The following FAM107B variants were observed in gnomAD, a reference collection of about 807,000 sequenced individuals.
FAM107B encodes protein FAM107B.
In FAM107B, 21 loss-of-function variants were observed where a neutral mutation model predicts 31.5. That is an observed-to-expected ratio of 0.67 (90% CI 0.47 to 0.96). FAM107B has a LOEUF of 0.96. Ranked by LOEUF, FAM107B falls within the 40% of genes least tolerant of loss-of-function variation. The probability of loss-of-function intolerance (pLI) is 0.00; values close to 1 mark genes in which losing one functional copy is unlikely to be tolerated. For synonymous variants in FAM107B, 157 were observed against 141.5 expected (o/e 1.11, Z -0.78); for missense variants, 452 against 377.1 (o/e 1.20, Z -1.64).
chr10:14,528,509 A>G (rs572635926), intron 3 of FAM107B, among the ~76,000 whole-genome samples: 1 of 152,288 alleles, frequency 6.6e-6, no homozygotes, highest in Admixed American at 6.5e-5. Context: ...GAAAAATACT[A>G]TTATCTCCCA....
chr10:14,767,542 C>T (rs1328522714), intron 1 of FAM107B, among the ~76,000 whole-genome samples: 1 of 151,918 alleles, frequency 6.6e-6, no homozygotes, highest in Non-Finnish European at 1.5e-5. Context: ...TAACATACCA[C>T]ATTGACAGAA....
At chr10:14,731,316 G>A (rs976018359) in intron 1 of FAM107B, among the ~76,000 whole-genome samples, 1 of 152,150 alleles carries the variant, frequency 6.6e-6, no homozygotes, top group South Asian at 2.1e-4. Context: ...AATCCCAGCA[G>A]TATGGGGGGC....
intron 1 of FAM107B, among the ~76,000 whole-genome samples, chr10:14,685,137 CTTTTATTTTTTTTT>C (rs1473567893): frequency 2.0e-5 from 3 of 146,408 alleles, no homozygotes; most frequent in Non-Finnish European, 4.5e-5. Context: ...CAATAACATC[CTTTTATTTTTTTTT>C]TTTTTTTTTT....
At position 14,620,224 on chromosome 10, in the gene FAM107B, G is replaced by A. The variant is rs141286434; in HGVS notation, c.469+47410C>T. Among the ~76,000 whole-genome samples, 1,453 of 151,992 alleles carry A rather than the reference G, an allele frequency of 9.6e-3. 15 individuals are homozygous for A. The highest frequency in any genetic ancestry group is 0.016 in the Non-Finnish European group (1,108 of 67,946). The stretch of plus-strand genomic sequence containing the variant: ...AGTAGAGACGGGGTTTCACCATGTT[G>A]GCCAGGATGGTCTCGATGTCTCGAC... On this transcript the variant is annotated intron_variant, in intron 2 of 4. Coordinates refer to ENST00000181796, the MANE Select transcript of FAM107B (RefSeq NM_031453.4).
rs12774550 is a variant in FAM107B at position 14,520,981 on chromosome 10, G to A, written c.*209C>T. On this transcript the variant is annotated 3_prime_UTR_variant, in exon 5 of 5. Transcript: ENST00000181796. ...AGGTCCATCATTCCAACTTACGTGC[G>A]GGGCACTGCCCTTCATTTGGCGAAT... The A allele has an allele frequency of 0.19, 93,455 of 485,178 alleles. 10,086 individuals are homozygous for A. Among genetic ancestry groups the A allele is most frequent in the Middle Eastern group, 0.26 (482 of 1,890 alleles). 30.1% of individuals were successfully genotyped at this position (485,178 alleles called of 1,614,324 possible).
intron 1 of FAM107B, among the ~76,000 whole-genome samples, chr10:14,677,314 C>T (rs1440732220): frequency 2.0e-5 from 3 of 152,168 alleles, no homozygotes; most frequent in African/African-American, 7.2e-5. Context: ...CCCAATGCCT[C>T]TCTCTTTTTA....
chr10:14,532,771 T>G (rs901284459), intron 2 of FAM107B: 3 of 152,328 alleles, frequency 2.0e-5, no homozygotes, highest in African/African-American at 7.2e-5. Context: ...GCTACACACT[T>G]CCATAAAAGG....
chr10:14,567,461 G>C (rs899136689), intron 2 of FAM107B, among the ~76,000 whole-genome samples: 1 of 152,202 alleles, frequency 6.6e-6, no homozygotes, highest in Non-Finnish European at 1.5e-5. Flanking sequence ...AGTCATTATG[G>C]AGAGGAAGAG....
chr10:14,603,448 G>C (rs1421765301), intron 2 of FAM107B, among the ~76,000 whole-genome samples: 1 of 152,192 alleles, frequency 6.6e-6, no homozygotes, highest in Admixed American at 6.5e-5. Flanking sequence ...CTTTGGGAGG[G>C]AGGAAGGAAG....
intron 2 of FAM107B, among the ~76,000 whole-genome samples, chr10:14,643,831 T>A (rs564438171): frequency 6.6e-6 from 1 of 152,324 alleles, no homozygotes; most frequent in East Asian, 1.9e-4. Context: ...ACTCAAGTTA[T>A]CACATAAAAC....
chr10:14,573,576 CA>C (rs774786735), intron 2 of FAM107B, among the ~76,000 whole-genome samples: 12,335 of 121,982 alleles, frequency 0.1, 647 homozygotes, highest in Admixed American at 0.16. Context: ...ATTAAAAATA[CA>C]AAAAAAAAAA....
chr10:14,712,794 A>C (rs1855684160), intron 1 of FAM107B, among the ~76,000 whole-genome samples: 1 of 152,138 alleles, frequency 6.6e-6, no homozygotes, highest in African/African-American at 2.4e-5. Context: ...TTGTTTCTTA[A>C]ATTTCCTTTT....
At chr10:14,657,188 A>C (rs17155689) in intron 2 of FAM107B, among the ~76,000 whole-genome samples, 5,821 of 152,294 alleles carry the variant, frequency 0.038, 182 homozygotes, top group East Asian at 0.13. Context: ...AAACAGAAAA[A>C]TCTGGAAGCA....
chr10:14,595,422 C>T (rs1393768056), intron 2 of FAM107B, among the ~76,000 whole-genome samples: 2 of 98,146 alleles, frequency 2.0e-5, no homozygotes, highest in Admixed American at 2.8e-4. Context: ...CTAGGGCAAC[C>T]TTTTTTTTTT....
intron 2 of FAM107B, among the ~76,000 whole-genome samples, chr10:14,570,233 G>GGGATGTGT (rs1554835078): frequency 7.1e-6 from 1 of 140,340 alleles, no homozygotes; most frequent in Non-Finnish European, 1.6e-5. Context: ...AAATGTGGTG[G>GGGATGTGT]GTGTGTGTGT....
chr10:14,711,022 C>G (rs1042042674), intron 1 of FAM107B, among the ~76,000 whole-genome samples: 2 of 152,118 alleles, frequency 1.3e-5, no homozygotes, highest in Non-Finnish European at 2.9e-5. Context: ...AAGTGATTCT[C>G]CTGCCTCAGC....
At chr10:14,634,643 G>T (rs78877175) in intron 2 of FAM107B, among the ~76,000 whole-genome samples, 5,903 of 152,212 alleles carry the variant, frequency 0.039, 175 homozygotes, top group East Asian at 0.13. Flanking sequence ...GTGACCAAAA[G>T]CAGGCAGAAA....
chr10:14,757,145 C>A (rs1832947021), intron 1 of FAM107B, among the ~76,000 whole-genome samples: 3 of 152,034 alleles, frequency 2.0e-5, no homozygotes, highest in Admixed American at 2.0e-4. Context: ...CACTTGTAAC[C>A]CTAAACTTAA....
In FAM107B at chr10:14,774,259, C is replaced by T. The variant is rs1000645567; in HGVS notation, c.405G>A (p.Thr135=). Residue 135 remains threonine, a synonymous_variant, in exon 1 of 5, where the codon ACG becomes ACA. Transcript: ENST00000181796. ...ASIPRPSIID[T]PKEEEFREEP... ...AGAGCGAACACTCACTCACCTTGGG[C>T]GTGTCAATAATTGATGGTCTGGGGA... 1 of 1,607,550 alleles carries T rather than the reference C, an allele frequency of 6.2e-7. No homozygotes were observed. The highest frequency in any genetic ancestry group is 8.5e-7 in the Non-Finnish European group (1 of 1,175,552).
Sources: allele counts gnomAD v4.1 joint callset (sites outside exome capture counted in the v4.1 genomes callset), GRCh38; gene constraint gnomAD v4.1.1; transcripts MANE v1.5; gene names NCBI Gene and HGNC (gene_info 2026-07-23, HGNC 2026-07-21).